SHISAL1: variants seen among roughly 807,000 people sequenced by gnomAD.
SHISAL1 encodes protein shisa-like-1.
Under a neutral mutation model 22.6 loss-of-function variants are expected in SHISAL1, and 9 were observed. The ratio of observed to expected loss-of-function variants is 0.40; its 90% CI spans 0.24 to 0.70. The LOEUF (loss-of-function observed/expected upper bound fraction) is 0.70, where lower values mean the gene tolerates loss of function less well. Among genes scored for constraint, SHISAL1 ranks in the 30% least tolerant of loss-of-function variants. SHISAL1 has a pLI of 0.39. For synonymous variants in SHISAL1, 119 were observed against 115.4 expected, an observed-to-expected ratio of 1.03 and a Z score of -0.20; for missense variants, 246 against 270.6, an observed-to-expected ratio of 0.91 and a Z score of 0.64.
intron 4 of SHISAL1, among the ~76,000 whole-genome samples, chr22:44,277,798 T>C (rs1379397843): frequency 6.6e-6 from 1 of 152,160 alleles, no homozygotes; most frequent in Non-Finnish European, 1.5e-5. Flanking sequence ...AGCACAGCCA[T>C]TGCAGGGTGG....
the SHISAL1 span, among the ~76,000 whole-genome samples, chr22:44,320,947 C>A: frequency 1.4e-4 from 21 of 152,314 alleles, no homozygotes; most frequent in African/African-American, 4.8e-4. Flanking sequence ...TGGGCTGAGT[C>A]AAGACACAAG....
At chr22:44,293,532 T>G (rs1238428003) in intron 3 of SHISAL1, among the ~76,000 whole-genome samples, 1 of 152,120 alleles carries the variant, frequency 6.6e-6, no homozygotes, top group East Asian at 1.9e-4. Context: ...TCAGTGGTGC[T>G]GGGGTGGGAT....
intron 4 of SHISAL1, among the ~76,000 whole-genome samples, chr22:44,259,980 G>C (rs2055110642): frequency 6.6e-6 from 1 of 152,110 alleles, no homozygotes; most frequent in African/African-American, 2.4e-5. Flanking sequence ...AACCAAACCA[G>C]GCACCCTCTG....
At chr22:44,298,145 G>C (rs1264878152) in intron 2 of SHISAL1, among the ~76,000 whole-genome samples, 1 of 152,202 alleles carries the variant, frequency 6.6e-6, no homozygotes, top group Non-Finnish European at 1.5e-5. Context: ...AGCTTTTGGG[G>C]AACCAGGGGA....
At chr22:44,266,881 G>T (rs1429726566) in intron 4 of SHISAL1, among the ~76,000 whole-genome samples, 1 of 152,068 alleles carries the variant, frequency 6.6e-6, no homozygotes, top group African/African-American at 2.4e-5. Context: ...GCTTTATAGG[G>T]CGCCACATAA....
intron 1 of SHISAL1, among the ~76,000 whole-genome samples, chr22:44,304,794 A>G (rs1324510664): frequency 6.6e-6 from 1 of 152,106 alleles, no homozygotes; most frequent in East Asian, 1.9e-4. Flanking sequence ...TCCATTCTAC[A>G]GATGGGGAAG....
intron 4 of SHISAL1, among the ~76,000 whole-genome samples, chr22:44,279,455 C>T (rs2055261809): frequency 6.6e-6 from 1 of 152,244 alleles, no homozygotes; most frequent in African/African-American, 2.4e-5. Flanking sequence ...GGCTGGCACC[C>T]TCCCTGCAGA....
the SHISAL1 span, among the ~76,000 whole-genome samples, chr22:44,331,471 T>C: frequency 7.0e-5 from 10 of 143,702 alleles, no homozygotes; most frequent in Non-Finnish European, 1.5e-4. This position sits in a 1 kb window ranked among gnomAD's most constrained non-coding sequence, Gnocchi z 5.2. Context: ...GCCCCCGCCC[T>C]GCCCGCCCCG....
intron 4 of SHISAL1, among the ~76,000 whole-genome samples, chr22:44,266,532 GTGTGT>G (rs2055164677): frequency 2.1e-5 from 3 of 143,782 alleles, no homozygotes; most frequent in Admixed American, 6.8e-5. Context: ...TGGGGTATGT[GTGTGT>G]GTGTGTGTGT....
intron 4 of SHISAL1, among the ~76,000 whole-genome samples, chr22:44,272,321 G>A (rs1342982227): frequency 6.6e-6 from 1 of 152,186 alleles, no homozygotes; most frequent in Admixed American, 6.5e-5. Context: ...TCACCCTTTG[G>A]CTGAAGACAT....
intron 3 of SHISAL1, among the ~76,000 whole-genome samples, chr22:44,295,756 T>C (rs563133713): frequency 6.6e-6 from 1 of 152,164 alleles, no homozygotes; most frequent in South Asian, 2.1e-4. Context: ...TAGCTCACGG[T>C]AAAAGAAATA....
chr22:44,308,182 G>A (rs185170511), intron 1 of SHISAL1, among the ~76,000 whole-genome samples: 342 of 152,284 alleles, frequency 2.2e-3, no homozygotes, highest in Non-Finnish European at 4.2e-3. Context: ...GACCAACATC[G>A]GCATCTAATT....
chr22:44,263,112 T>C (rs2055137580), intron 4 of SHISAL1, among the ~76,000 whole-genome samples: 1 of 138,252 alleles, frequency 7.2e-6, no homozygotes, highest in African/African-American at 2.7e-5. Flanking sequence ...AGATGGAGTC[T>C]GTGTCGCCCA....
intron 4 of SHISAL1, among the ~76,000 whole-genome samples, chr22:44,271,113 C>T (rs10427691): frequency 0.011 from 1,600 of 152,232 alleles, 40 homozygotes; most frequent in African/African-American, 0.037. Context: ...TTGATTTCAT[C>T]CCCATGATCC....
At chr22:44,273,430 CTAAGAAG>C (rs2055218316) in intron 4 of SHISAL1, among the ~76,000 whole-genome samples, 1 of 152,156 alleles carries the variant, frequency 6.6e-6, no homozygotes, top group African/African-American at 2.4e-5. Flanking sequence ...AGCAAAAGAA[CTAAGAAG>C]TGATACTTTT....
rs940272128 is a variant in SHISAL1 at position 44,245,451 on chromosome 22, A to G, written c.*4234T>C. On this transcript the variant is annotated 3_prime_UTR_variant, in exon 5 of 5. Transcript: ENST00000381176. ...TTTCAAACATGGGAGAAATCTGTAA[A>G]TTCACTTCCGAAGGCTTTTCCTGTT... 1 of 152,232 alleles carries G rather than the reference A, an allele frequency of 6.6e-6. No individual in the cohort carries two copies. Among genetic ancestry groups the G allele is most frequent in the Non-Finnish European group, 1.5e-5 (1 of 68,070 alleles). The allele number at this position is 152,232 out of a possible 1,614,324, so 9.4% of individuals were successfully genotyped here. A position where few individuals can be genotyped will look rare whatever the true frequency, so the allele number is the denominator to read the frequency against.
At position 44,246,116 on chromosome 22, in the gene SHISAL1, C is replaced by G. The variant is rs1407453834; in HGVS notation, c.*3569G>C. ...TGAGGCGGGTGAGAAGGCTGCTTCTCTAGGTGCAGGGCACGTTCAGAGGCT... is the reference window on the plus strand; with the variant it reads ...TGAGGCGGGTGAGAAGGCTGCTTCTGTAGGTGCAGGGCACGTTCAGAGGCT... On this transcript the variant is annotated 3_prime_UTR_variant, in exon 5 of 5. Transcript: ENST00000381176. 1.3e-5 allele frequency: 2 copies of G among 152,278 alleles called. No individual in the cohort carries two copies. The highest frequency in any genetic ancestry group is 2.9e-5 in the Non-Finnish European group (2 of 68,094). The allele number at this position is 152,278 out of a possible 1,614,324, so 9.4% of individuals were successfully genotyped here.
chr22:44,331,211 T>A, the SHISAL1 span, among the ~76,000 whole-genome samples: 151 of 151,910 alleles, frequency 9.9e-4, no homozygotes, highest in African/African-American at 3.6e-3. The surrounding 1 kb of genome is among the most constrained non-coding windows in gnomAD (Gnocchi z 5.2). Flanking sequence ...GAACACCGGC[T>A]GTCCCGCACG....
chr22:44,269,199 C>A (rs763975030), intron 4 of SHISAL1, among the ~76,000 whole-genome samples: 2 of 150,152 alleles, frequency 1.3e-5, no homozygotes, highest in Admixed American at 6.6e-5. Context: ...CCATACAGAC[C>A]CTCACAATAT....
Sources: gnomAD v4.1 joint callset for allele counts (sites outside exome capture counted in the v4.1 genomes callset) on GRCh38, gnomAD v4.1.1 for gene constraint, Gnocchi (gnomAD v3.1) non-coding constraint, MANE v1.5 for transcripts, NCBI Gene and HGNC (gene_info 2026-07-23, HGNC 2026-07-21) for gene names.